Variants in MYO16 observed in about 807,000 individuals in gnomAD.
The protein encoded by MYO16 is unconventional myosin-XVI.
In MYO16, 94 loss-of-function variants were observed where a neutral mutation model predicts 205.3. The observed-to-expected ratio is 0.46, with a 90% CI of 0.39 to 0.54. The LOEUF (loss-of-function observed/expected upper bound fraction) is 0.54, where lower values mean the gene tolerates loss of function less well. MYO16 is among the 20% of genes least tolerant of loss of function. The probability of loss-of-function intolerance (pLI) is 0.00; values close to 1 mark genes in which losing one functional copy is unlikely to be tolerated. For synonymous variants in MYO16, 988 were observed against 954.0 expected, an observed-to-expected ratio of 1.04 and a Z score of -0.66; for missense variants, 2,315 against 2,387.5, an observed-to-expected ratio of 0.97 and a Z score of 0.63.
upstream of MYO16, among the ~76,000 whole-genome samples, chr13:108,627,359 C>A (rs1169951171): frequency 2.0e-5 from 3 of 152,116 alleles, no homozygotes; most frequent in Non-Finnish European, 4.4e-5. Context: ...TCTGTGAATA[C>A]ATTTCTCAGT....
At chr13:108,741,160 C>T (rs1033965782) in intron 4 of MYO16, among the ~76,000 whole-genome samples, 1 of 152,112 alleles carries the variant, frequency 6.6e-6, no homozygotes, top group African/African-American at 2.4e-5. Context: ...CCATCCGACA[C>T]GCCCCAGTGA....
chr13:109,101,707 T>C (rs2139715131), intron 28 of MYO16: 1 of 152,310 alleles, frequency 6.6e-6, no homozygotes. Context: ...TGGAAGTTTC[T>C]TGCTGTAAAA....
chr13:108,607,543 A>G (rs1278893423), intron 1 of MYO16, among the ~76,000 whole-genome samples: 1 of 152,198 alleles, frequency 6.6e-6, no homozygotes, highest in Non-Finnish European at 1.5e-5. Flanking sequence ...CCATCATTGT[A>G]CATTTCCTGA....
At chr13:108,927,084 T>A in intron 16 of MYO16, among the ~76,000 whole-genome samples, 1 of 150,204 alleles carries the variant, frequency 6.7e-6, no homozygotes, top group Non-Finnish European at 1.5e-5. Context: ...GACTCCCGAG[T>A]GAACAGAGGT....
intron 12 of MYO16, among the ~76,000 whole-genome samples, chr13:108,872,201 A>C (rs1017025265): frequency 6.6e-6 from 1 of 152,246 alleles, no homozygotes; most frequent in Non-Finnish European, 1.5e-5. Context: ...TGTAGAGTTA[A>C]CAAGAATTAA....
At chr13:108,712,881 AATT>A (rs1883778864) in intron 3 of MYO16, 150 bp downstream of exon 3, 4 of 571,060 alleles carry the variant, frequency 7.0e-6, no homozygotes, top group Non-Finnish European at 1.2e-5. Flanking sequence ...GATAAGCTGC[AATT>A]ATTATTAATT....
At chr13:109,040,377 C>CAGAGAG (rs1178352857) in intron 23 of MYO16, among the ~76,000 whole-genome samples, 3 of 77,480 alleles carry the variant, frequency 3.9e-5, no homozygotes, top group African/African-American at 1.4e-4. Context: ...CACACACACA[C>CAGAGAG]ACACACACAG....
chr13:108,693,869 CCCT>C (rs1882991534), intron 2 of MYO16, among the ~76,000 whole-genome samples: 2 of 152,178 alleles, frequency 1.3e-5, no homozygotes. Flanking sequence ...CCACCTTTCA[CCCT>C]CCAGTTGGCC....
chr13:108,598,124 A>G lies in MYO16; in HGVS notation c.-39+1885A>G, dbSNP rs1878629169. ...ACATGTGGGAAAGGGGGCAGAGATC[A>G]ATATCAGCGTTACTTTCATTTGTTT... is the stretch of plus-strand genomic sequence containing the variant. On this transcript the variant is annotated intron_variant, in intron 1 of 24. Transcript: ENST00000251041. 1.3e-5 allele frequency among the ~76,000 whole-genome samples: 2 copies of G among 152,222 alleles called. 1 individual carries two copies. Among genetic ancestry groups the G allele is most frequent in the South Asian group, 4.1e-4 (2 of 4,830 alleles).
the MYO16 span, among the ~76,000 whole-genome samples, chr13:108,555,433 T>C: frequency 0.011 from 1,727 of 152,310 alleles, 20 homozygotes; most frequent in Middle Eastern, 0.024. Flanking sequence ...GTATGAACAC[T>C]CTTTAACAGG....
intron 28 of MYO16, among the ~76,000 whole-genome samples, chr13:109,117,302 G>GC (rs1178476340): frequency 1.3e-5 from 2 of 151,092 alleles, no homozygotes; most frequent in African/African-American, 4.9e-5. Flanking sequence ...CCACATCCCT[G>GC]CCACTTGTGC....
At chr13:108,769,614 A>G (rs1885895457) in intron 4 of MYO16, among the ~76,000 whole-genome samples, 1 of 152,218 alleles carries the variant, frequency 6.6e-6, no homozygotes, top group Non-Finnish European at 1.5e-5. Context: ...ACTAGAAGCA[A>G]GTAAACCTGT....
chr13:108,687,030 T>C (rs562789305), intron 2 of MYO16, among the ~76,000 whole-genome samples: 1 of 152,342 alleles, frequency 6.6e-6, no homozygotes, highest in Non-Finnish European at 1.5e-5. Context: ...CAAATGGTTC[T>C]GCTTTGGTTT....
At chr13:108,974,465 A>C (rs1056399119) in intron 20 of MYO16, among the ~76,000 whole-genome samples, 4 of 152,148 alleles carry the variant, frequency 2.6e-5, no homozygotes, top group African/African-American at 7.2e-5. Flanking sequence ...CTCCTCCCCC[A>C]AAAATCCATA....
intron 1 of MYO16, among the ~76,000 whole-genome samples, chr13:108,657,981 T>C (rs1206514758): frequency 6.6e-6 from 1 of 152,202 alleles, no homozygotes; most frequent in East Asian, 1.9e-4. Flanking sequence ...TTCATTTTGC[T>C]AATATGTATG....
chr13:109,196,310 T>C (rs1880150829), intron 34 of MYO16, among the ~76,000 whole-genome samples: 1 of 152,226 alleles, frequency 6.6e-6, no homozygotes, highest in Non-Finnish European at 1.5e-5. Flanking sequence ...GTCGAGTTAG[T>C]AATCACCAGT....
At chr13:108,910,186 C>G (rs763958050) in intron 16 of MYO16, 36 bp downstream of exon 16, 2 of 1,584,962 alleles carry the variant, frequency 1.3e-6, no homozygotes, top group East Asian at 4.5e-5. Flanking sequence ...AAAAGCTATG[C>G]CTTCAAATTG....
At chr13:108,936,171 CTCTT>C (rs1331618043) in intron 16 of MYO16, among the ~76,000 whole-genome samples, 2 of 145,372 alleles carry the variant, frequency 1.4e-5, no homozygotes, top group African/African-American at 2.5e-5. Flanking sequence ...CTCTCTCTTT[CTCTT>C]TCTTTCTTTC....
intron 12 of MYO16, among the ~76,000 whole-genome samples, chr13:108,878,072 C>A (rs1879409486): frequency 6.6e-6 from 1 of 152,168 alleles, no homozygotes; most frequent in Non-Finnish European, 1.5e-5. Context: ...CCCTTTACCA[C>A]TGATAGGTGG....
Sources: allele counts gnomAD v4.1 joint callset (sites outside exome capture counted in the v4.1 genomes callset), GRCh38; gene constraint gnomAD v4.1.1; transcripts MANE v1.5; gene names NCBI Gene and HGNC (gene_info 2026-07-23, HGNC 2026-07-21).